CSN1S1: variants seen among roughly 807,000 people sequenced by gnomAD.
CSN1S1 encodes the protein alpha-S1-casein.
In CSN1S1, 63 loss-of-function variants were observed where a neutral mutation model predicts 49.1. That is an observed-to-expected ratio of 1.28 (90% confidence interval 1.05 to 1.58). The LOEUF (loss-of-function observed/expected upper bound fraction) is 1.58. Among genes scored for constraint, CSN1S1 ranks in the 40% most tolerant of loss-of-function variants. The pLI is 0.00. For missense variants in CSN1S1, 260 were observed against 224.7 expected, an observed-to-expected ratio of 1.16 and a Z score of -1.01; for synonymous variants, 78 against 67.1, an observed-to-expected ratio of 1.16 and a Z score of -0.79.
rs557133095 is a variant in CSN1S1, at chr4:69,939,190, C to T, written c.258C>T (p.Ser86=). 6.3e-7 allele frequency: 1 copy of T among 1,599,316 alleles called. No individual in the cohort carries two copies. The highest frequency in any genetic ancestry group is 1.3e-5 in the African/African-American group (1 of 74,514). ...CTTTCTTTTAGAAGATGGAATCCAG[C>T]ATCAGTTCATCGAGTGAGGTAAATA... ...VVAEPEKMES[S]ISSSSEEMSL... The change falls in exon 10 of 16, where the codon AGC becomes AGT. Residue 86 remains serine, a synonymous_variant. Transcript: ENST00000246891.
intron 3 of CSN1S1, among the ~76,000 whole-genome samples, 163 bp downstream of exon 3, chr4:69,934,407 A>G (rs1205129380): frequency 6.6e-6 from 1 of 152,154 alleles, no homozygotes; most frequent in Non-Finnish European, 1.5e-5. Context: ...CAAAACTTAG[A>G]GGACGGCACA....
Position 69,941,050 on chromosome 4 carries a change from A to T in CSN1S1, c.332A>T (p.Gln111Leu), listed in dbSNP as rs1181154263. The T allele has an allele frequency of 1.3e-6, 2 of 1,500,212 alleles. No individual in the cohort carries two copies. The highest frequency in any genetic ancestry group is 2.4e-5 in the East Asian group (1 of 41,672). 92.9% of individuals were successfully genotyped at this position (1,500,212 alleles called of 1,614,324 possible). The change falls in exon 12 of 16, where the codon CAA (glutamine) becomes CTA (leucine). Residue 111 changes from glutamine to leucine, a missense_variant. Coordinates refer to ENST00000246891, the MANE Select transcript of CSN1S1 (RefSeq NM_001890.2). ...EQFCRLNEYN[Q>L]LQLQAAHAQE... is the part of the protein sequence containing the mutation. ...TTTTGTAGACTGAACGAATACAACCAACTTCAGCTGGTAATATTTTATTCA... is the reference window on the plus strand; with the variant it reads ...TTTTGTAGACTGAACGAATACAACCTACTTCAGCTGGTAATATTTTATTCA...
At chr4:69,940,111 TCACA>T (rs35000195) in intron 11 of CSN1S1, 67 bp downstream of exon 11, 67,968 of 395,600 alleles carry the variant, frequency 0.17, 4,258 homozygotes, top group Admixed American at 0.19. Flanking sequence ...GCACTTACTT[TCACA>T]CACACACACA....
intron 5 of CSN1S1, 85 bp downstream of exon 5, chr4:69,936,034 A>G: frequency 9.6e-7 from 1 of 1,045,128 alleles, no homozygotes; most frequent in South Asian, 1.5e-5. Flanking sequence ...AGTGCCTAAA[A>G]CAAAGTGAAA....
At position 69,934,233 on chromosome 4, in the gene CSN1S1, G is replaced by A. The variant is rs760804425; in HGVS notation, c.73G>A (p.Glu25Lys). The change falls in exon 3 of 16, where the codon GAA (glutamate) becomes AAA (lysine). Residue 25 changes from glutamate to lysine, a missense_variant. Physicochemically the swap from Glu to Lys is moderately conservative, Grantham distance 56. Transcript: ENST00000246891. The stretch of plus-strand genomic sequence containing the variant: ...ACAGAAACTTCCTCTTAGATACCCA[G>A]AACGCCTTCAGGTAAATATTCTATT... ...ARPKLPLRYP[E>K]RLQNPSESSE... 1 of 1,610,672 alleles carries A rather than the reference G, an allele frequency of 6.2e-7. No individual in the cohort carries two copies. Among genetic ancestry groups the A allele is most frequent in the South Asian group, 1.1e-5 (1 of 90,768 alleles).
chr4:69,943,849 T>C (rs547711755), intron 14 of CSN1S1, among the ~76,000 whole-genome samples: 91 of 151,954 alleles, frequency 6.0e-4, no homozygotes, highest in Non-Finnish European at 1.2e-3. Flanking sequence ...CCTATGATAA[T>C]AGCATTAATT....
At chr4:69,939,516 A>G (rs546453517) in intron 10 of CSN1S1, among the ~76,000 whole-genome samples, 1 of 151,900 alleles carries the variant, frequency 6.6e-6, no homozygotes, top group South Asian at 2.1e-4. Flanking sequence ...ATCATTAAAA[A>G]TTCTAACAAT....
At chr4:69,931,160 A>T (rs1722595627) in intron 1 of CSN1S1, 43 bp downstream of exon 1, 1 of 151,960 alleles carries the variant, frequency 6.6e-6, no homozygotes. Flanking sequence ...ATTTTACATT[A>T]TCTAATCTCT....
chr4:69,931,776 C>G (rs1198762315), intron 1 of CSN1S1, among the ~76,000 whole-genome samples: 13 of 151,658 alleles, frequency 8.6e-5, no homozygotes, highest in Admixed American at 6.6e-5. Flanking sequence ...TATGTGTGAC[C>G]TGATTTTTTT....
At position 69,942,157 on chromosome 4, in the gene CSN1S1, TGAGA is replaced by T. The variant is rs981946649; in HGVS notation, c.360+98_360+101del. Reference sequence around the variant, plus strand: ...ATTCTCTTTTAACATAAATATATTCTGAGAGAGTGTTCTACCAACACTATCTGAT... The same window carrying T: ...ATTCTCTTTTAACATAAATATATTCTGAGTGTTCTACCAACACTATCTGAT... On this transcript the variant is annotated intron_variant, in intron 13 of 15. Coordinates refer to ENST00000246891, the MANE Select transcript of CSN1S1 (RefSeq NM_001890.2). 5.2e-5 allele frequency: 40 copies of T among 768,872 alleles called. No individual in the cohort carries two copies. The African/African-American group carries it at 6.8e-4, about 13-fold the overall frequency. The allele number at this position is 768,872 out of a possible 1,614,324, so 47.6% of individuals were successfully genotyped here.
intron 8 of CSN1S1, 97 bp downstream of exon 8, chr4:69,937,241 C>A (rs1578133772): frequency 2.3e-6 from 2 of 879,264 alleles, no homozygotes; most frequent in Non-Finnish European, 3.4e-6. Flanking sequence ...AAAACTATGG[C>A]AGATAACTCT....
chr4:69,939,147 A>T, intron 9 of CSN1S1, 29 bp from the exon 10 acceptor site: 1 of 1,559,102 alleles, frequency 6.4e-7, no homozygotes, highest in Non-Finnish European at 8.8e-7. Flanking sequence ...ATCCCAGGGG[A>T]TAATTAACAC....
At chr4:69,936,169 G>T (rs1384219614) in intron 5 of CSN1S1, among the ~76,000 whole-genome samples, 2 of 151,948 alleles carry the variant, frequency 1.3e-5, no homozygotes, top group African/African-American at 2.4e-5. Flanking sequence ...ATACAATAAG[G>T]AATATTAGTT....
chr4:69,932,659 G>A, intron 2 of CSN1S1, 53 bp downstream of exon 2: 1 of 1,440,438 alleles, frequency 6.9e-7, no homozygotes, highest in Admixed American at 1.9e-5. Context: ...GAAATGACCT[G>A]ACACTTCATC....
chr4:69,938,222 A>G (rs1220859), intron 9 of CSN1S1, among the ~76,000 whole-genome samples: 82,914 of 151,468 alleles, frequency 0.55, 23,388 homozygotes, highest in East Asian at 0.72. Flanking sequence ...TTTAGATACA[A>G]GTGCATGTAT....
intron 7 of CSN1S1, 94 bp from the exon 8 acceptor site, chr4:69,937,027 T>C (rs145204062): frequency 5.6e-4 from 510 of 911,178 alleles, no homozygotes; most frequent in Non-Finnish European, 3.5e-4. Context: ...TCTAGTAGAA[T>C]TGGTATTGAG....
At chr4:69,938,094 T>TA (rs560936975) in intron 9 of CSN1S1, among the ~76,000 whole-genome samples, 60 of 151,852 alleles carry the variant, frequency 4.0e-4, no homozygotes, top group South Asian at 8.3e-4. Context: ...TAATAATTAG[T>TA]AAAAAAATGC....
At chr4:69,944,816 T>C in intron 14 of CSN1S1, 34 bp from the exon 15 acceptor site, 1 of 1,608,328 alleles carries the variant, frequency 6.2e-7, no homozygotes, top group Non-Finnish European at 8.5e-7. Context: ...CAATTGCTCA[T>C]ACACTGTTGC....
At chr4:69,937,005 G>C in intron 7 of CSN1S1, 116 bp from the exon 8 acceptor site, 1 of 758,090 alleles carries the variant, frequency 1.3e-6, no homozygotes, top group South Asian at 1.7e-5. Flanking sequence ...GATTTGGATT[G>C]TCTACTAGTT....
Sources: gnomAD v4.1 joint callset for allele counts (sites outside exome capture counted in the v4.1 genomes callset) on GRCh38, gnomAD v4.1.1 for gene constraint, MANE v1.5 for transcripts, NCBI Gene and HGNC (gene_info 2026-07-23, HGNC 2026-07-21) for gene names.